GPR39: variants seen among roughly 807,000 people sequenced by gnomAD.
The protein encoded by GPR39 is zinc sensing receptor.
Under a neutral mutation model 18.4 loss-of-function variants are expected in GPR39, and 23 were observed. The observed-to-expected ratio is 1.25, with a 90% CI of 0.90 to 1.77. GPR39 has a LOEUF of 1.77. Among genes scored for constraint, GPR39 ranks in the 40% most tolerant of loss-of-function variants. The pLI, the probability that GPR39 is intolerant of heterozygous loss-of-function variation, is 0.00. For synonymous variants in GPR39, 280 were observed against 257.9 expected (o/e 1.09, Z -0.82); for missense variants, 647 against 602.4 (o/e 1.07, Z -0.78).
intron 1 of GPR39, among the ~76,000 whole-genome samples, chr2:132,488,294 A>G (rs910508956): frequency 6.6e-5 from 10 of 152,242 alleles, no homozygotes; most frequent in Non-Finnish European, 1.3e-4. Context: ...TTAAAAGCGT[A>G]TTGAGAAAAA....
At chr2:132,448,547 C>T (rs191384504) in intron 1 of GPR39, among the ~76,000 whole-genome samples, 38 of 152,322 alleles carry the variant, frequency 2.5e-4, no homozygotes, top group Middle Eastern at 3.4e-3. Context: ...GCTTCCTTAA[C>T]GGCTTTCTTA....
chr2:132,456,088 C>A (rs1680723007), intron 1 of GPR39, among the ~76,000 whole-genome samples: 2 of 152,132 alleles, frequency 1.3e-5, no homozygotes, highest in African/African-American at 2.4e-5. Flanking sequence ...GTGTTAAAGT[C>A]TCCAATTATT....
intron 1 of GPR39, among the ~76,000 whole-genome samples, chr2:132,427,902 TA>T (rs1308103892): frequency 7.5e-6 from 1 of 134,126 alleles, no homozygotes; most frequent in Non-Finnish European, 1.6e-5. Flanking sequence ...ATATATATAA[TA>T]TAAAATTATA....
intron 1 of GPR39, among the ~76,000 whole-genome samples, chr2:132,428,676 C>T (rs1680172439): frequency 6.6e-6 from 1 of 152,186 alleles, no homozygotes; most frequent in African/African-American, 2.4e-5. Context: ...GTCCTAACAT[C>T]AGGGTATGAG....
chr2:132,616,975 C>G (rs1681347194), intron 1 of GPR39, among the ~76,000 whole-genome samples: 1 of 152,206 alleles, frequency 6.6e-6, no homozygotes, highest in African/African-American at 2.4e-5. Context: ...CAACACAAAC[C>G]CATTCATAGA....
intron 1 of GPR39, among the ~76,000 whole-genome samples, chr2:132,531,815 C>T (rs2104776372): frequency 6.6e-6 from 1 of 152,274 alleles, no homozygotes; most frequent in Admixed American, 6.5e-5. Flanking sequence ...AACAAAGACA[C>T]AATATACCAG....
intron 1 of GPR39, among the ~76,000 whole-genome samples, chr2:132,463,521 A>C (rs1680870627): frequency 6.7e-6 from 1 of 149,336 alleles, no homozygotes; most frequent in African/African-American, 2.5e-5. Flanking sequence ...TTGTTAGCCC[A>C]GTTTATGCAT....
intron 1 of GPR39, among the ~76,000 whole-genome samples, chr2:132,580,751 C>T (rs529261616): frequency 3.3e-5 from 5 of 152,102 alleles, no homozygotes; most frequent in South Asian, 4.2e-4. Flanking sequence ...ATCACAAAGT[C>T]GAGAGTTCAA....
At chr2:132,449,830 C>T (rs1470295140) in intron 1 of GPR39, among the ~76,000 whole-genome samples, 1 of 152,062 alleles carries the variant, frequency 6.6e-6, no homozygotes, top group East Asian at 1.9e-4. Context: ...TATTTTCTCT[C>T]TTCTCTTATA....
chr2:132,598,315 C>T (rs575406442), intron 1 of GPR39, among the ~76,000 whole-genome samples: 1 of 151,370 alleles, frequency 6.6e-6, no homozygotes. Flanking sequence ...TGAGAGTAAC[C>T]TAGGGAAGCC....
At chr2:132,521,108 C>T (rs575510420) in intron 1 of GPR39, among the ~76,000 whole-genome samples, 9 of 152,262 alleles carry the variant, frequency 5.9e-5, no homozygotes, top group African/African-American at 1.9e-4. Context: ...AGGATGACTT[C>T]GCCTTTCCAA....
intron 1 of GPR39, among the ~76,000 whole-genome samples, chr2:132,525,142 G>A (rs940256772): frequency 3.9e-5 from 6 of 152,112 alleles, no homozygotes; most frequent in Admixed American, 3.3e-4. Flanking sequence ...AAGCCCGTGG[G>A]TTTTCTTTCC....
chr2:132,645,450 A>G lies in GPR39; in HGVS notation c.1206A>G (p.Ala402=). 1.2e-6 allele frequency: 2 copies of G among 1,613,798 alleles called. No individual in the cohort carries two copies. The highest frequency in any genetic ancestry group is 1.7e-6 in the Non-Finnish European group (2 of 1,180,028). ...LLFASRRQSS[A]RRTEKIFLST... is the part of the protein sequence containing the mutation. ...TCGCGTCCCGGCGCCAGTCCTCTGC[A>G]AGGAGAACTGAGAAGATTTTCTTAA... Residue 402 remains alanine (A), a synonymous_variant, in exon 2 of 2, where the codon GCA becomes GCG. Coordinates refer to ENST00000329321, the MANE Select transcript of GPR39 (RefSeq NM_001508.3).
chr2:132,435,828 T>G (rs6710357), intron 1 of GPR39, among the ~76,000 whole-genome samples: 23,428 of 152,200 alleles, frequency 0.15, 2,102 homozygotes, highest in African/African-American at 0.24. Flanking sequence ...GAAGGGGATA[T>G]GGGTTCCAGA....
At chr2:132,462,158 A>G (rs1004146262) in intron 1 of GPR39, among the ~76,000 whole-genome samples, 1 of 152,218 alleles carries the variant, frequency 6.6e-6, no homozygotes, top group African/African-American at 2.4e-5. Context: ...GATGAGATGT[A>G]CAGCAGTTTA....
intron 1 of GPR39, among the ~76,000 whole-genome samples, chr2:132,449,229 G>GTTTGTTTGTT (rs1558801546): frequency 9.9e-5 from 15 of 151,864 alleles, no homozygotes; most frequent in African/African-American, 3.6e-4. Flanking sequence ...CCTTTCCTTC[G>GTTTGTTTGTT]TGTTTTTTTG....
chr2:132,470,495 A>G (rs1681009172), intron 1 of GPR39, among the ~76,000 whole-genome samples: 2 of 152,070 alleles, frequency 1.3e-5, no homozygotes, highest in South Asian at 4.1e-4. Context: ...GAACGGGGCA[A>G]GTAGGGTGCC....
chr2:132,506,918 A>G (rs113991765), intron 1 of GPR39, among the ~76,000 whole-genome samples: 4,249 of 152,006 alleles, frequency 0.028, 191 homozygotes, highest in African/African-American at 0.096. Context: ...TGCTTATTCT[A>G]TAACCCAAAG....
intron 1 of GPR39, among the ~76,000 whole-genome samples, chr2:132,589,292 C>G (rs554536929): frequency 1.3e-5 from 2 of 152,162 alleles, no homozygotes; most frequent in Admixed American, 6.5e-5. Flanking sequence ...CATCGGCTGC[C>G]GAGCCAAGAG....
Sources: gnomAD v4.1 joint callset for allele counts (sites outside exome capture counted in the v4.1 genomes callset) on GRCh38, gnomAD v4.1.1 for gene constraint, MANE v1.5 for transcripts, NCBI Gene and HGNC (gene_info 2026-07-23, HGNC 2026-07-21) for gene names.